WRN: variants seen among roughly 807,000 people sequenced by gnomAD.
WRN encodes WRN RecQ like helicase.
A neutral mutation model predicts 180.7 loss-of-function variants in WRN; 149 were observed. The ratio of observed to expected loss-of-function variants is 0.82; its 90% CI spans 0.72 to 0.94. WRN has a LOEUF of 0.94. WRN is among the 40% of genes least tolerant of loss of function. The pLI is 0.00. For missense variants in WRN, 1,661 were observed against 1,700.1 expected (o/e 0.98, Z 0.40); for synonymous variants, 548 against 568.9 (o/e 0.96, Z 0.52).
In WRN at chr8:31,172,992, C is replaced by T. The variant is rs1311481126; in HGVS notation, c.4192-3C>T. ...GATTTCTTTTTCTTTCTATTTCCTA[C>T]AGACTTCATCTGCAGAGAGAAAGAG... On this transcript the variant is annotated splice_region_variant and splice_polypyrimidine_tract_variant and intron_variant, in intron 34 of 34. Transcript: ENST00000298139. 4 of 1,613,102 alleles carry T rather than the reference C, an allele frequency of 2.5e-6. No homozygotes were observed. The highest frequency in any genetic ancestry group is 1.1e-5 in the South Asian group (1 of 91,070).
chr8:31,043,387 T>C (rs1811729074), intron 1 of WRN, among the ~76,000 whole-genome samples: 1 of 152,168 alleles, frequency 6.6e-6, no homozygotes. Context: ...GGAATTGGAT[T>C]TTCCTTAAGA....
At chr8:31,086,634 C>T (rs1813542665) in intron 11 of WRN, among the ~76,000 whole-genome samples, 1 of 151,622 alleles carries the variant, frequency 6.6e-6, no homozygotes. Flanking sequence ...GGTTTGTATC[C>T]CAGCTTTTCC....
chr8:31,074,378 G>A (rs1813023043), intron 7 of WRN, among the ~76,000 whole-genome samples: 1 of 152,156 alleles, frequency 6.6e-6, no homozygotes. Flanking sequence ...GTAGAGATCT[G>A]AAGACTGAAT....
rs1348238795 is a variant in WRN, at chr8:31,083,726, G to A, written c.1297G>A (p.Asp433Asn). The A allele has an allele frequency of 2.5e-6, 4 of 1,611,512 alleles. No individual in the cohort carries two copies. The highest frequency in any genetic ancestry group is 1.1e-5 in the South Asian group (1 of 90,974). The change falls in exon 10 of 35, where the codon GAT becomes AAT. Residue 433 changes from aspartate (D) to asparagine (N), a missense_variant. Physicochemically the swap from Asp to Asn is conservative, Grantham distance 23. Coordinates refer to ENST00000298139, the MANE Select transcript of WRN (RefSeq NM_000553.6). ...EHLSPNDNEN[D>N]TSYVIESDED... ...TTTATCTCCCAATGATAATGAAAAC[G>A]ATACGTCCTATGTAATTGAGAGTGA...
chr8:31,061,967 C>T (rs1245145830), intron 3 of WRN, among the ~76,000 whole-genome samples: 1 of 152,180 alleles, frequency 6.6e-6, no homozygotes, highest in Non-Finnish European at 1.5e-5. Context: ...GCTTCCTCCT[C>T]TCCAGAACTC....
At position 31,132,441 on chromosome 8, in the gene WRN, TC is replaced by T. The variant is rs1327753187; in HGVS notation, c.2903del (p.Ser968LeufsTer6). ...TGGTCCACAAGCATTTAAGCTTTTGTCTGCTGTGGACATCTTAGGCGAAAAA... is the reference window on the plus strand; with the variant it reads ...TGGTCCACAAGCATTTAAGCTTTTGTTGCTGTGGACATCTTAGGCGAAAAA... Reference protein sequence around the residue: ...DFGPQAFKLLSAVDILGEKFG... With the variant: ...DFGPQAFKLLXAVDILGEKFG... On this transcript the variant is annotated frameshift_variant, in exon 24 of 35. Transcript: ENST00000298139. LOFTEE classifies it high-confidence loss of function. The T allele has an allele frequency of 6.2e-7, 1 of 1,614,184 alleles. No homozygotes were observed. Among genetic ancestry groups the T allele is most frequent in the Non-Finnish European group, 8.5e-7 (1 of 1,180,026 alleles).
At chr8:31,117,211 G>A (rs974440851) in intron 20 of WRN, among the ~76,000 whole-genome samples, 4 of 152,332 alleles carry the variant, frequency 2.6e-5, no homozygotes, top group African/African-American at 9.6e-5. Context: ...AACTCTGGCT[G>A]AAGTTAATGT....
In WRN at chr8:31,067,084, G is replaced by A; in HGVS notation, c.556G>A (p.Gly186Ser). 1 of 1,613,900 alleles carries A rather than the reference G, an allele frequency of 6.2e-7. No homozygotes were observed. The highest frequency in any genetic ancestry group is 1.3e-5 in the African/African-American group (1 of 75,002). The change falls in exon 6 of 35, where the codon GGT becomes AGT. Residue 186 changes from glycine to serine, a missense_variant. Gly to Ser is a moderately conservative substitution (Grantham distance 56). Transcript: ENST00000298139. Reference sequence around the variant, plus strand: ...TAACAGTCTGGTTAAACACCTCTTAGGTAAACAGCTCCTGAAAGACAAGTC... The same window carrying A: ...TAACAGTCTGGTTAAACACCTCTTAAGTAAACAGCTCCTGAAAGACAAGTC... ...SLNSLVKHLL[G>S]KQLLKDKSIR... is the part of the protein sequence containing the mutation.
intron 24 of WRN, among the ~76,000 whole-genome samples, chr8:31,136,664 C>T (rs372769471): frequency 6.6e-6 from 1 of 151,902 alleles, no homozygotes; most frequent in African/African-American, 2.4e-5. Context: ...AGCGAGACTC[C>T]GTCTCTATAA....
chr8:31,084,004 A>C (rs1227335095), intron 10 of WRN, among the ~76,000 whole-genome samples: 5 of 151,972 alleles, frequency 3.3e-5, no homozygotes, highest in Admixed American at 2.0e-4. Flanking sequence ...GTTCCTTCTT[A>C]TTTTTTATTT....
At chr8:31,043,929 A>T (rs1811749026) in intron 1 of WRN, among the ~76,000 whole-genome samples, 2 of 152,004 alleles carry the variant, frequency 1.3e-5, no homozygotes, top group Non-Finnish European at 2.9e-5. Context: ...ATTTCCTTCC[A>T]TAATTGCAAA....
At chr8:31,135,838 C>CT (rs1023815929) in intron 24 of WRN, among the ~76,000 whole-genome samples, 32 of 151,616 alleles carry the variant, frequency 2.1e-4, no homozygotes, top group African/African-American at 7.3e-4. Flanking sequence ...TTTCTTTTTT[C>CT]TTTTTTTCTC....
At chr8:31,109,605 TAAC>T (rs1286313370) in intron 18 of WRN, among the ~76,000 whole-genome samples, 5 of 152,214 alleles carry the variant, frequency 3.3e-5, no homozygotes, top group African/African-American at 1.2e-4. Context: ...TTTATTTTAA[TAAC>T]AATATTTATG....
At chr8:31,151,867 A>G (rs1287740377) in intron 31 of WRN, among the ~76,000 whole-genome samples, 1 of 151,916 alleles carries the variant, frequency 6.6e-6, no homozygotes, top group African/African-American at 2.4e-5. Context: ...TTTATTAAGC[A>G]AGTTTTGTTA....
At chr8:31,149,730 C>T (rs1052585612) in intron 30 of WRN, among the ~76,000 whole-genome samples, 1 of 151,964 alleles carries the variant, frequency 6.6e-6, no homozygotes. Context: ...CCGCCCCGGC[C>T]TCCCAAATTG....
intron 28 of WRN, among the ~76,000 whole-genome samples, chr8:31,143,958 A>C (rs1802761997): frequency 6.6e-6 from 1 of 152,178 alleles, no homozygotes; most frequent in African/African-American, 2.4e-5. Flanking sequence ...GAAGTTGACA[A>C]ACTTGTTCAA....
At chr8:31,125,808 A>G (rs1585491656) in intron 23 of WRN, among the ~76,000 whole-genome samples, 1 of 150,824 alleles carries the variant, frequency 6.6e-6, no homozygotes, top group African/African-American at 2.4e-5. Flanking sequence ...ATTATTGACA[A>G]TAATCTCCTT....
chr8:31,127,361 T>C (rs1228133019), intron 23 of WRN, among the ~76,000 whole-genome samples: 1 of 152,154 alleles, frequency 6.6e-6, no homozygotes, highest in African/African-American at 2.4e-5. Context: ...AATCTATGGA[T>C]ATCTTAAAAT....
intron 33 of WRN, 98 bp from the exon 34 acceptor site, chr8:31,166,924 C>A (rs1803901291): frequency 3.2e-6 from 4 of 1,249,614 alleles, no homozygotes; most frequent in Non-Finnish European, 2.2e-6. Flanking sequence ...AACCTTCCAC[C>A]TTCCTTTCTA....
Sources: gnomAD v4.1 joint callset for allele counts (sites outside exome capture counted in the v4.1 genomes callset) on GRCh38, gnomAD v4.1.1 for gene constraint, MANE v1.5 for transcripts, NCBI Gene and HGNC (gene_info 2026-07-23, HGNC 2026-07-21) for gene names.